Variants in SEMA3D observed in about 807,000 individuals in gnomAD.
SEMA3D encodes the protein semaphorin-3D.
SEMA3D carries 84 observed loss-of-function variants against 100.1 expected under a neutral mutation model. The observed-to-expected ratio is 0.84, with a 90% confidence interval of 0.70 to 1.01. The LOEUF (loss-of-function observed/expected upper bound fraction) is 1.01. SEMA3D is among the 50% of genes least tolerant of loss of function. SEMA3D has a pLI of 0.00. For missense variants in SEMA3D, 875 were observed against 934.1 expected, an observed-to-expected ratio of 0.94 and a Z score of 0.82; for synonymous variants, 312 against 320.7, an observed-to-expected ratio of 0.97 and a Z score of 0.29.
chr7:85,082,259 G>T (rs1788085704), intron 4 of SEMA3D, among the ~76,000 whole-genome samples: 1 of 152,142 alleles, frequency 6.6e-6, no homozygotes, highest in Admixed American at 6.5e-5. Context: ...TCTGACTCTT[G>T]AACTGGGGGG....
At chr7:85,154,973 G>A (rs190309675) in intron 1 of SEMA3D, among the ~76,000 whole-genome samples, 7 of 152,226 alleles carry the variant, frequency 4.6e-5, no homozygotes, top group Admixed American at 1.3e-4. Context: ...ATTGTGTCAT[G>A]TTATTACTGT....
At chr7:85,235,883 C>A in the SEMA3D span, among the ~76,000 whole-genome samples, 1 of 152,096 alleles carries the variant, frequency 6.6e-6, no homozygotes. Flanking sequence ...GGAGAGGTGG[C>A]TGGCATTTTA....
At chr7:85,222,416 T>C in the SEMA3D span, among the ~76,000 whole-genome samples, 1 of 152,288 alleles carries the variant, frequency 6.6e-6, no homozygotes, top group African/African-American at 2.4e-5. Flanking sequence ...ATATTACATA[T>C]ATTTGTGTAT....
intron 9 of SEMA3D, among the ~76,000 whole-genome samples, chr7:85,042,950 A>G (rs1790904076): frequency 1.3e-5 from 2 of 152,166 alleles, no homozygotes; most frequent in Admixed American, 6.6e-5. Flanking sequence ...TATATTATTT[A>G]TAGGATTAAA....
intron 5 of SEMA3D, among the ~76,000 whole-genome samples, chr7:85,076,736 A>G (rs1213127576): frequency 1.3e-5 from 2 of 152,212 alleles, no homozygotes; most frequent in African/African-American, 4.8e-5. Context: ...TCTGAGCTAC[A>G]TGTTAGGCTT....
chr7:85,243,632 T>G, the SEMA3D span, among the ~76,000 whole-genome samples: 1 of 152,196 alleles, frequency 6.6e-6, no homozygotes, highest in African/African-American at 2.4e-5. Context: ...TAGCAAATTC[T>G]AAGCCCCTTA....
chr7:85,230,022 C>T, the SEMA3D span, among the ~76,000 whole-genome samples: 2 of 152,132 alleles, frequency 1.3e-5, no homozygotes, highest in Non-Finnish European at 2.9e-5. Context: ...TTAATGACAT[C>T]CAATTAGAAT....
At chr7:85,231,436 C>CTTTTT in the SEMA3D span, among the ~76,000 whole-genome samples, 17 of 117,872 alleles carry the variant, frequency 1.4e-4, 1 homozygote, top group African/African-American at 2.0e-4. Flanking sequence ...CAATCTTTCC[C>CTTTTT]TTTTTTTTTT....
chr7:85,037,040 A>C lies in SEMA3D; in HGVS notation c.1047-7T>G. On this transcript the variant is annotated splice_region_variant and splice_polypyrimidine_tract_variant and intron_variant, in intron 11 of 18. Coordinates refer to ENST00000284136, the MANE Select transcript of SEMA3D (RefSeq NM_001384900.1). ...AGAGCCTTTGAAGATGGAGCTGGAAAAAAAAAGCATCATCATTCAATCATT... is the reference window on the plus strand; with the variant it reads ...AGAGCCTTTGAAGATGGAGCTGGAACAAAAAAGCATCATCATTCAATCATT... The C allele has an allele frequency of 6.2e-7, 1 of 1,610,124 alleles. No homozygotes were observed.
Position 85,162,861 on chromosome 7 carries a change from C to G in SEMA3D, c.-172-9122G>C, listed in dbSNP as rs1336014964. Among the ~76,000 whole-genome samples, 3 of 152,038 alleles carry G rather than the reference C, an allele frequency of 2.0e-5. No individual in the cohort carries two copies. The East Asian group carries it at 5.8e-4, about 29-fold the overall frequency. On this transcript the variant is annotated intron_variant, in intron 1 of 18. Transcript: ENST00000284136. The stretch of plus-strand genomic sequence containing the variant: ...TGAGAGGAAATACACTTAGCAGAGG[C>G]AAACATCATCTTGGAACTGACTGAA...
intron 1 of SEMA3D, among the ~76,000 whole-genome samples, chr7:85,167,017 G>GA (rs1178168318): frequency 1.6e-4 from 25 of 151,972 alleles, no homozygotes; most frequent in African/African-American, 5.5e-4. Flanking sequence ...AACTTTAATT[G>GA]AAAAAATGTC....
the SEMA3D span, among the ~76,000 whole-genome samples, chr7:85,238,359 T>G: frequency 6.6e-6 from 1 of 152,220 alleles, no homozygotes; most frequent in Non-Finnish European, 1.5e-5. Context: ...AGATCTATGA[T>G]CCACTTAAAA....
intron 1 of SEMA3D, among the ~76,000 whole-genome samples, chr7:85,168,765 T>A (rs1394325461): frequency 6.7e-6 from 1 of 148,412 alleles, no homozygotes; most frequent in East Asian, 2.0e-4. Context: ...TGTATATATA[T>A]AAATATATTC....
At chr7:85,165,807 A>ATGGAGAAAATATGTGG (rs1790888160) in intron 1 of SEMA3D, among the ~76,000 whole-genome samples, 1 of 152,078 alleles carries the variant, frequency 6.6e-6, no homozygotes. Context: ...GTCTCCTTTT[A>ATGGAGAAAATATGTGG]TGGAGAAAAT....
chr7:85,074,861 C>T (rs1235029920), intron 5 of SEMA3D, among the ~76,000 whole-genome samples: 3 of 152,070 alleles, frequency 2.0e-5, no homozygotes, highest in Non-Finnish European at 2.9e-5. Context: ...CTCAAGCAAT[C>T]CTCTCTCCGT....
At chr7:85,104,984 C>T (rs554559258) in intron 3 of SEMA3D, among the ~76,000 whole-genome samples, 4 of 151,982 alleles carry the variant, frequency 2.6e-5, no homozygotes, top group Non-Finnish European at 5.9e-5. Context: ...ATACAGTCAC[C>T]TTTCCCTGCC....
intron 1 of SEMA3D, among the ~76,000 whole-genome samples, chr7:85,154,880 G>T (rs1350589511): frequency 1.3e-5 from 2 of 152,054 alleles, no homozygotes; most frequent in Non-Finnish European, 2.9e-5. Context: ...AGTCTGAAAA[G>T]AATTTAGCTA....
At position 85,065,423 on chromosome 7, in the gene SEMA3D, C is replaced by G; in HGVS notation, c.718+1G>C. On this transcript the variant is annotated splice_donor_variant, in intron 8 of 18. Transcript: ENST00000284136. LOFTEE classifies it high-confidence loss of function. Reference sequence around the variant, plus strand: ...AAAGTAAACAAAAAAAAATCACAAACCATTGAGCCAGTAGTGCTCTGAAAT... The same window carrying G: ...AAAGTAAACAAAAAAAAATCACAAAGCATTGAGCCAGTAGTGCTCTGAAAT... 6.2e-7 allele frequency: 1 copy of G among 1,612,168 alleles called. No individual in the cohort carries two copies. The highest frequency in any genetic ancestry group is 8.5e-7 in the Non-Finnish European group (1 of 1,178,950).
rs367881408 is a variant in SEMA3D, at chr7:85,147,030, TCA to T, written c.-41+6576_-41+6577del. 4.5e-3 allele frequency among the ~76,000 whole-genome samples: 687 copies of T among 151,656 alleles called. 7 individuals are homozygous for T. The highest frequency in any genetic ancestry group is 0.016 in the African/African-American group (655 of 41,286). On this transcript the variant is annotated intron_variant, in intron 2 of 18. Transcript: ENST00000284136. ...ATACCACAGTATCAACATGAGATGG[TCA>T]CAGTTCTAGTCACAGAAGTGGAATT... is the stretch of plus-strand genomic sequence containing the variant.
Sources: allele counts gnomAD v4.1 joint callset (sites outside exome capture counted in the v4.1 genomes callset), GRCh38; gene constraint gnomAD v4.1.1; transcripts MANE v1.5; gene names NCBI Gene and HGNC (gene_info 2026-07-23, HGNC 2026-07-21).